Variants in FAM184A observed in about 807,000 individuals in gnomAD.
FAM184A encodes protein FAM184A.
FAM184A carries 99 observed loss-of-function variants against 143.8 expected under a neutral mutation model. The observed-to-expected ratio is 0.69, with a 90% CI of 0.58 to 0.81. FAM184A has a LOEUF of 0.81. FAM184A is among the 40% of genes least tolerant of loss of function. The pLI, the probability that FAM184A is intolerant of heterozygous loss-of-function variation, is 0.00. For missense variants in FAM184A, 1,217 were observed against 1,310.5 expected, an observed-to-expected ratio of 0.93 and a Z score of 1.10; for synonymous variants, 427 against 446.4, an observed-to-expected ratio of 0.96 and a Z score of 0.55.
intron 16 of FAM184A, chr6:118,963,920 G>A (rs2114534072): frequency 6.6e-6 from 1 of 152,144 alleles, no homozygotes; most frequent in Admixed American, 6.5e-5. Context: ...GGAGCCATGG[G>A]AAGCTAGGGT....
chr6:119,102,292 G>A (rs1788658068), intron 1 of FAM184A, among the ~76,000 whole-genome samples: 1 of 152,110 alleles, frequency 6.6e-6, no homozygotes, highest in Non-Finnish European at 1.5e-5. Flanking sequence ...TAGGCCAGCA[G>A]TTAGTGGAAT....
upstream of FAM184A, among the ~76,000 whole-genome samples, chr6:119,083,085 G>A (rs1318960040): frequency 6.6e-6 from 1 of 152,206 alleles, no homozygotes; most frequent in African/African-American, 2.4e-5. Flanking sequence ...AGCCACCAAG[G>A]TTTGGGGATT....
chr6:119,046,710 G>A (rs1481936123), intron 1 of FAM184A, among the ~76,000 whole-genome samples: 1 of 152,142 alleles, frequency 6.6e-6, no homozygotes, highest in African/African-American at 2.4e-5. Flanking sequence ...AAGGCCATAT[G>A]ACACCACAGT....
Position 119,006,462 on chromosome 6 carries a change from A to G in FAM184A, c.1800T>C (p.Ala600=), listed in dbSNP as rs779436362. The G allele has an allele frequency of 3.7e-6, 6 of 1,610,626 alleles. No individual in the cohort carries two copies. Among genetic ancestry groups the G allele is most frequent in the Admixed American group, 3.4e-5 (2 of 59,192 alleles). ...ATGAAATTACCTCCACATTTAATAG[A>G]GCATCCTTGGTCTCCTTTAGGCTGT... The part of the protein sequence containing the change: ...TKDSLKETKD[A]LLNVEGELEQ... The change falls in exon 7 of 18, where the codon GCT becomes GCC. Residue 600 remains alanine, a synonymous_variant. Coordinates refer to ENST00000338891, the MANE Select transcript of FAM184A (RefSeq NM_024581.6).
intron 1 of FAM184A, among the ~76,000 whole-genome samples, chr6:119,048,424 GAGA>G (rs1229877130): frequency 3.9e-5 from 6 of 152,096 alleles, no homozygotes; most frequent in South Asian, 4.2e-4. Context: ...CAAATAGAAA[GAGA>G]AGAAGTCAAA....
chr6:119,012,455 C>T (rs949813229), intron 5 of FAM184A, among the ~76,000 whole-genome samples: 9 of 152,180 alleles, frequency 5.9e-5, no homozygotes, highest in African/African-American at 2.2e-4. Flanking sequence ...TCCAAAAGCC[C>T]TCTCACACAG....
intron 1 of FAM184A, among the ~76,000 whole-genome samples, chr6:119,113,795 A>C (rs997668720): frequency 2.6e-5 from 4 of 152,110 alleles, no homozygotes; most frequent in African/African-American, 7.2e-5. Flanking sequence ...TACAAAAATT[A>C]GCTGAGCATG....
At chr6:118,976,789 C>T (rs1783860940) in intron 11 of FAM184A, among the ~76,000 whole-genome samples, 1 of 152,042 alleles carries the variant, frequency 6.6e-6, no homozygotes, top group Non-Finnish European at 1.5e-5. Context: ...GGTCAATGTT[C>T]TCATGATATT....
chr6:118,998,497 A>C (rs1416273735), intron 9 of FAM184A, among the ~76,000 whole-genome samples: 1 of 151,980 alleles, frequency 6.6e-6, no homozygotes, highest in Non-Finnish European at 1.5e-5. Flanking sequence ...ACTGTGTAGA[A>C]GTAAATGTTC....
Position 119,102,784 on chromosome 6 carries a change from C to CAAAAAA in FAM184A, c.-202+46288_-202+46293dup, listed in dbSNP as rs58686018. Among the ~76,000 whole-genome samples the CAAAAAA allele has an allele frequency of 3.9e-3, 117 of 30,022 alleles. 3 individuals carry two copies. The highest frequency in any genetic ancestry group is 5.8e-3 in the Non-Finnish European group (86 of 14,780). 19.7% of individuals were successfully genotyped at this position (30,022 alleles called of 152,430 possible). Reference sequence around the variant, plus strand: ...CAGCCTGATGACAGAGACTCCATCTCAAAAAAAAAAAAAAAAAAAAAAAGA... The same window carrying CAAAAAA: ...CAGCCTGATGACAGAGACTCCATCTCAAAAAAAAAAAAAAAAAAAAAAAAAAAAAGA... On this transcript the variant is annotated intron_variant, in intron 1 of 16. Coordinates refer to the FAM184A transcript ENST00000352896.
chr6:118,994,724 A>T (rs1280496407), intron 9 of FAM184A, among the ~76,000 whole-genome samples: 1 of 141,506 alleles, frequency 7.1e-6, no homozygotes, highest in Non-Finnish European at 1.5e-5. Flanking sequence ...TAAATAAATA[A>T]ATAAATAAAT....
At chr6:119,110,712 A>G (rs1767062963) in intron 1 of FAM184A, among the ~76,000 whole-genome samples, 1 of 152,200 alleles carries the variant, frequency 6.6e-6, no homozygotes, top group Non-Finnish European at 1.5e-5. Flanking sequence ...GCAGAATTTC[A>G]AGCACTCAGA....
At chr6:119,047,517 C>T (rs562264397) in intron 1 of FAM184A, among the ~76,000 whole-genome samples, 2 of 152,068 alleles carry the variant, frequency 1.3e-5, no homozygotes, top group African/African-American at 2.4e-5. Context: ...AAGAAAATGT[C>T]GTACACAATT....
chr6:119,119,485 G>C (rs10457348), intron 1 of FAM184A, among the ~76,000 whole-genome samples: 3 of 152,018 alleles, frequency 2.0e-5, no homozygotes, highest in Admixed American at 6.5e-5. Flanking sequence ...CCAGTGCTTA[G>C]GGAAAATAGA....
At chr6:119,130,374 T>C (rs1266690770) in intron 1 of FAM184A, among the ~76,000 whole-genome samples, 1 of 152,202 alleles carries the variant, frequency 6.6e-6, no homozygotes, top group African/African-American at 2.4e-5. Context: ...ATAAATGCCC[T>C]AGATTCAATT....
At chr6:119,143,714 GAC>G (rs766815061) in intron 1 of FAM184A, among the ~76,000 whole-genome samples, 1 of 152,186 alleles carries the variant, frequency 6.6e-6, no homozygotes, top group Non-Finnish European at 1.5e-5. Flanking sequence ...GTCACAAAAG[GAC>G]ACACACTGTA....
chr6:119,142,209 C>A (rs1420716306), intron 1 of FAM184A, among the ~76,000 whole-genome samples: 1 of 152,146 alleles, frequency 6.6e-6, no homozygotes, highest in Non-Finnish European at 1.5e-5. Flanking sequence ...AGCTAGGCAG[C>A]CCAAGCCTCT....
intron 1 of FAM184A, among the ~76,000 whole-genome samples, chr6:119,141,580 G>GA (rs1350807046): frequency 6.6e-6 from 1 of 152,100 alleles, no homozygotes; most frequent in East Asian, 1.9e-4. Flanking sequence ...AGGTTCAAGC[G>GA]ATTCTCCTGC....
chr6:119,108,128 A>AGTGTGTGTGTGTGTGTGTGT (rs57693047), intron 1 of FAM184A, among the ~76,000 whole-genome samples: 7,412 of 147,252 alleles, frequency 0.05, 270 homozygotes, highest in African/African-American at 0.088. Context: ...AGCACTTGTT[A>AGTGTGTGTGTGTGTGTGTGT]GTGTGTGTGT....
Sources: gnomAD v4.1 joint callset for allele counts (sites outside exome capture counted in the v4.1 genomes callset) on GRCh38, gnomAD v4.1.1 for gene constraint, MANE v1.5 for transcripts, NCBI Gene and HGNC (gene_info 2026-07-23, HGNC 2026-07-21) for gene names.